MAPKAP1: variants seen among roughly 807,000 people sequenced by gnomAD.
MAPKAP1 encodes target of rapamycin complex 2 subunit MAPKAP1.
MAPKAP1 carries 20 observed loss-of-function variants against 65.7 expected under a neutral mutation model. The ratio of observed to expected loss-of-function variants is 0.30; its 90% CI spans 0.21 to 0.44. The LOEUF (loss-of-function observed/expected upper bound fraction) is 0.44. MAPKAP1 is among the 20% of genes least tolerant of loss of function. The pLI, the probability that MAPKAP1 is intolerant of heterozygous loss-of-function variation, is 1.00. For synonymous variants in MAPKAP1, 222 were observed against 244.3 expected, an observed-to-expected ratio of 0.91 and a Z score of 0.85; for missense variants, 423 against 648.0, an observed-to-expected ratio of 0.65 and a Z score of 3.77.
At chr9:125,458,663 A>C (rs1384501264) in intron 10 of MAPKAP1, among the ~76,000 whole-genome samples, 1 of 146,398 alleles carries the variant, frequency 6.8e-6, no homozygotes, top group Non-Finnish European at 1.5e-5. Flanking sequence ...TCTTTTCCCC[A>C]CCCCTCCCCC....
chr9:125,573,575 T>C (rs1422220186), intron 5 of MAPKAP1, among the ~76,000 whole-genome samples: 1 of 152,240 alleles, frequency 6.6e-6, no homozygotes, highest in East Asian at 1.9e-4. Context: ...TGCTTTCATT[T>C]TGCACTGTGG....
chr9:125,622,086 G>A (rs1832919113), intron 4 of MAPKAP1, among the ~76,000 whole-genome samples: 3 of 152,142 alleles, frequency 2.0e-5, no homozygotes. Context: ...TAAAAAAACT[G>A]GGGCTCATGG....
At chr9:125,550,985 T>A (rs1830566200) in intron 6 of MAPKAP1, among the ~76,000 whole-genome samples, 1 of 152,244 alleles carries the variant, frequency 6.6e-6, no homozygotes, top group Non-Finnish European at 1.5e-5. Context: ...GGCCTTGAAT[T>A]AGTAACTAAC....
Position 125,652,063 on chromosome 9 carries a change from G to A in MAPKAP1, c.498+5588C>T, listed in dbSNP as rs7865104. ...AGCATATTTTCCAAGTTCAGATGAG[G>A]TGCCTTTTCCACTAAGGGCAATTTT... On this transcript the variant is annotated intron_variant, in intron 4 of 11. Transcript: ENST00000265960. 3.6e-4 allele frequency: 439 copies of A among 1,204,242 alleles called. No homozygotes were observed. In the African/African-American group the frequency reaches 5.1e-3, roughly 14 times the overall value. The allele number at this position is 1,204,242 out of a possible 1,614,324, so 74.6% of individuals were successfully genotyped here. A position where few individuals can be genotyped will look rare whatever the true frequency, so the allele number is the denominator to read the frequency against.
intron 10 of MAPKAP1, among the ~76,000 whole-genome samples, chr9:125,465,570 T>C (rs1391715227): frequency 6.6e-6 from 1 of 152,230 alleles, no homozygotes; most frequent in Non-Finnish European, 1.5e-5. Flanking sequence ...ACATAAATTA[T>C]GTGGAATAAC....
chr9:125,705,166 T>G (rs1402071814), intron 1 of MAPKAP1, among the ~76,000 whole-genome samples: 1 of 152,180 alleles, frequency 6.6e-6, no homozygotes, highest in Non-Finnish European at 1.5e-5. Context: ...TAACTTTTGG[T>G]TTCAATATGT....
intron 10 of MAPKAP1, among the ~76,000 whole-genome samples, chr9:125,446,487 C>T (rs2132932534): frequency 6.6e-6 from 1 of 152,240 alleles, no homozygotes. Context: ...TGTATCTATT[C>T]ACATTCACAG....
intron 8 of MAPKAP1, among the ~76,000 whole-genome samples, chr9:125,485,173 G>A (rs1026618712): frequency 6.6e-6 from 1 of 152,162 alleles, no homozygotes; most frequent in Non-Finnish European, 1.5e-5. Context: ...GCTGTCTATT[G>A]ATAGACATAG....
At chr9:125,452,110 G>GT (rs1268388237) in intron 10 of MAPKAP1, among the ~76,000 whole-genome samples, 2 of 151,220 alleles carry the variant, frequency 1.3e-5, no homozygotes, top group East Asian at 3.9e-4. Context: ...GCACCAGCCC[G>GT]TTTTTTTGAG....
chr9:125,625,204 C>T (rs1365335760), intron 4 of MAPKAP1, among the ~76,000 whole-genome samples: 1 of 109,954 alleles, frequency 9.1e-6, no homozygotes, highest in Non-Finnish European at 1.9e-5. Context: ...CTGCCAAATC[C>T]CCCTCTGTGA....
At chr9:125,660,512 C>T (rs1276897136) in intron 3 of MAPKAP1, among the ~76,000 whole-genome samples, 1 of 152,096 alleles carries the variant, frequency 6.6e-6, no homozygotes, top group African/African-American at 2.4e-5. Context: ...TATTTCTAAC[C>T]CTAAACACTC....
chr9:125,598,040 G>A (rs1046026611), intron 4 of MAPKAP1, among the ~76,000 whole-genome samples: 11 of 151,314 alleles, frequency 7.3e-5, no homozygotes, highest in African/African-American at 2.2e-4. Context: ...CAGGTTTTAC[G>A]GGCTATGGGA....
intron 5 of MAPKAP1, among the ~76,000 whole-genome samples, chr9:125,560,386 G>T (rs944090374): frequency 6.6e-6 from 1 of 152,010 alleles, no homozygotes; most frequent in Non-Finnish European, 1.5e-5. Context: ...AGGAGTTCAA[G>T]ACTAGCTAGG....
chr9:125,439,251 C>T lies in MAPKAP1; in HGVS notation c.1444-239G>A, dbSNP rs941565526. Among the ~76,000 whole-genome samples the T allele has an allele frequency of 2.6e-5, 4 of 152,252 alleles. No individual in the cohort carries two copies. The highest frequency in any genetic ancestry group is 4.8e-5 in the African/African-American group (2 of 41,476). ...AAGTGGCCAGTCCAGGCTTCCCAGT[C>T]AGTGAGCGGCGAGCTCTTCAGGTTC... On this transcript the variant is annotated intron_variant, in intron 11 of 11. Transcript: ENST00000265960. This position sits in a 1 kb window ranked among gnomAD's most constrained non-coding sequence, Gnocchi z 4.0.
chr9:125,444,474 G>A (rs778305749), intron 11 of MAPKAP1, 27 bp downstream of exon 11: 2 of 1,564,532 alleles, frequency 1.3e-6, no homozygotes, highest in Non-Finnish European at 8.8e-7. Flanking sequence ...CACCTACCCT[G>A]TCTCTGGTTC....
chr9:125,577,504 C>T (rs1267598222), intron 5 of MAPKAP1, among the ~76,000 whole-genome samples: 1 of 146,362 alleles, frequency 6.8e-6, no homozygotes, highest in Admixed American at 6.7e-5. Context: ...GCCAGGCCAC[C>T]CCTACTGGGA....
In MAPKAP1 at chr9:125,657,787, T is replaced by A; in HGVS notation, c.362A>T (p.Lys121Met). ...GAGAGATTTTTTTTCAAACAGTGAC[T>A]TTAACTCCTGGGCTGTGATACAAGA... ...RNSKQSAQEL[K>M]SLFEKKSLKE... The change falls in exon 4 of 12, where the codon AAG becomes ATG. Residue 121 changes from lysine to methionine, a missense_variant. Physicochemically the swap from Lys to Met is moderately conservative, Grantham distance 95. Around this residue, in one of 6 missense-constraint regions of MAPKAP1, gnomAD observed 67 missense variants for 69.6 expected, o/e 0.96. Coordinates refer to ENST00000265960, the MANE Select transcript of MAPKAP1 (RefSeq NM_001006617.3). 1 of 1,613,830 alleles carries A rather than the reference T, an allele frequency of 6.2e-7. No individual in the cohort carries two copies. The highest frequency in any genetic ancestry group is 8.5e-7 in the Non-Finnish European group (1 of 1,179,832).
intron 4 of MAPKAP1, among the ~76,000 whole-genome samples, chr9:125,609,055 C>CCA: frequency 6.6e-6 from 1 of 152,220 alleles, no homozygotes; most frequent in Admixed American, 6.5e-5. Context: ...AGAAAAAAAC[C>CCA]TAAATGCTTA....
rs562176454 is a variant in MAPKAP1 at position 125,466,118 on chromosome 9, G to A, written c.1345+1854C>T. On this transcript the variant is annotated intron_variant, in intron 10 of 11. Coordinates refer to ENST00000265960, the MANE Select transcript of MAPKAP1 (RefSeq NM_001006617.3). ...CTTCTGGCTGAGAGTGGTGGCTCAC[G>A]TCTGTAATCCTAGTACTTTGGGGGA... 3.9e-5 allele frequency among the ~76,000 whole-genome samples: 6 copies of A among 152,292 alleles called. No individual in the cohort carries two copies. The East Asian group carries it at 5.8e-4, about 15-fold the overall frequency.
Sources: allele counts gnomAD v4.1 joint callset (sites outside exome capture counted in the v4.1 genomes callset), GRCh38; gene constraint gnomAD v4.1.1; regional missense constraint gnomAD v4.1.1; non-coding constraint Gnocchi (gnomAD v3.1); transcripts MANE v1.5; gene names NCBI Gene and HGNC (gene_info 2026-07-23, HGNC 2026-07-21).